DBF4: variants seen among roughly 807,000 people sequenced by gnomAD.
DBF4 encodes the protein DBF4-CDC7 kinase regulatory subunit, also known as protein DBF4 homolog A.
Under a neutral mutation model 76.6 loss-of-function variants are expected in DBF4, and 25 were observed. The observed-to-expected ratio is 0.33, with a 90% CI of 0.24 to 0.46. DBF4 has a LOEUF of 0.46. DBF4 is among the 20% of genes least tolerant of loss of function. The probability of loss-of-function intolerance (pLI) is 1.00; values close to 1 mark genes in which losing one functional copy is unlikely to be tolerated. For synonymous variants in DBF4, 213 were observed against 258.0 expected (o/e 0.83, Z 1.67); for missense variants, 638 against 760.8 (o/e 0.84, Z 1.90).
At chr7:87,906,920 A>G (rs1270301884) in intron 11 of DBF4, among the ~76,000 whole-genome samples, 1 of 152,092 alleles carries the variant, frequency 6.6e-6, no homozygotes, top group Non-Finnish European at 1.5e-5. Context: ...AATTCAGGAT[A>G]TTGGTTATCT....
At chr7:87,893,270 G>A (rs1215641672) in intron 6 of DBF4, among the ~76,000 whole-genome samples, 17 of 133,104 alleles carry the variant, frequency 1.3e-4, no homozygotes, top group South Asian at 2.3e-4. Flanking sequence ...ACGGAGTCTC[G>A]CTCTGTCGCC....
rs1249042760 is a variant in DBF4 at position 87,907,523 on chromosome 7, T to C, written c.1385T>C (p.Leu462Pro). ...CATAAAAACAAACAGGAATGCATTC[T>C]TGACATTTCCGAACACACATTAAGT... ...PLHKNKQECI[L>P]DISEHTLSEN... is the part of the protein sequence containing the mutation. The change falls in exon 12 of 12, where the codon CTT becomes CCT. Residue 462 changes from leucine (L) to proline (P), a missense_variant. Transcript: ENST00000265728. The C allele has an allele frequency of 6.2e-7, 1 of 1,614,074 alleles. No homozygotes were observed. The highest frequency in any genetic ancestry group is 1.7e-5 in the Admixed American group (1 of 60,022).
chr7:87,897,247 A>AAG, intron 7 of DBF4, 47 bp from the exon 8 acceptor site: 1 of 1,547,688 alleles, frequency 6.5e-7, no homozygotes. Context: ...AAAAAAAAAA[A>AAG]GAATCCTGAA....
At chr7:87,895,237 GT>G (rs1389537398) in intron 6 of DBF4, among the ~76,000 whole-genome samples, 9 of 152,088 alleles carry the variant, frequency 5.9e-5, no homozygotes, top group African/African-American at 2.2e-4. Context: ...CTTATTTGTA[GT>G]TTTTCTGCTG....
At chr7:87,897,564 T>C (rs1450949561) in intron 8 of DBF4, among the ~76,000 whole-genome samples, 1 of 152,224 alleles carries the variant, frequency 6.6e-6, no homozygotes, top group Non-Finnish European at 1.5e-5. Context: ...ATAGCTGGTT[T>C]AGAAAAATCA....
rs1212488242 is a variant in DBF4, at chr7:87,904,296, T to A, written c.929T>A (p.Leu310His). 1 of 1,603,954 alleles carries A rather than the reference T, an allele frequency of 6.2e-7. No individual in the cohort carries two copies. Among genetic ancestry groups the A allele is most frequent in the Admixed American group, 1.8e-5 (1 of 56,706 alleles). ...ATGTTTTTAATTTTGTTTTAGCACC[T>A]TCTAAGTGAGCAACACAGAAACTTT... ...LQKYEDLETH[L>H]LSEQHRNFAQ... The change falls in exon 11 of 12, where the codon CTT becomes CAT. Residue 310 changes from leucine to histidine, a missense_variant. Leu to His is a moderately conservative substitution (Grantham distance 99). Coordinates refer to ENST00000265728, the MANE Select transcript of DBF4 (RefSeq NM_006716.4).
Position 87,908,238 on chromosome 7 carries a change from T to C in DBF4, c.*75T>C. On this transcript the variant is annotated 3_prime_UTR_variant, in exon 12 of 12. Transcript: ENST00000265728. ...AATTTTTATAAATATGTATGGAAAT[T>C]CTTAGGATTTTTTTACCAGCTTTGT... The C allele has an allele frequency of 1.5e-6, 2 of 1,337,280 alleles. No homozygotes were observed. Among genetic ancestry groups the C allele is most frequent in the Non-Finnish European group, 1.9e-6 (2 of 1,027,656 alleles). 82.8% of individuals were successfully genotyped at this position (1,337,280 alleles called of 1,614,324 possible).
At chr7:87,888,199 C>G in intron 6 of DBF4, 140 bp downstream of exon 6, 1 of 1,258,604 alleles carries the variant, frequency 7.9e-7, no homozygotes, top group Non-Finnish European at 1.0e-6. Flanking sequence ...TCAAATAAAT[C>G]GAGTGTCATT....
intron 8 of DBF4, among the ~76,000 whole-genome samples, chr7:87,899,847 G>T (rs1236934169): frequency 6.6e-6 from 1 of 152,150 alleles, no homozygotes; most frequent in Non-Finnish European, 1.5e-5. Context: ...GGTTGTCAGG[G>T]GATATGGAGA....
chr7:87,907,172 T>G lies in DBF4; in HGVS notation c.1050-16T>G, dbSNP rs760176510. 5 of 1,523,342 alleles carry G rather than the reference T, an allele frequency of 3.3e-6. No homozygotes were observed. The highest frequency in any genetic ancestry group is 4.4e-6 in the Non-Finnish European group (5 of 1,139,768). The allele number at this position is 1,523,342 out of a possible 1,614,324, so 94.4% of individuals were successfully genotyped here. ...AGCAATTATTTTAATATTTTTCTTC[T>G]ATTTTTCCTACAAAGAATAAAATAC... On this transcript the variant is annotated splice_polypyrimidine_tract_variant and intron_variant, in intron 11 of 11. Coordinates refer to ENST00000265728, the MANE Select transcript of DBF4 (RefSeq NM_006716.4).
chr7:87,876,873 A>T, intron 1 of DBF4, 95 bp downstream of exon 1: 1 of 1,398,502 alleles, frequency 7.2e-7, no homozygotes, highest in Non-Finnish European at 1.0e-6. Context: ...CCGGGTCCTC[A>T]GCTTCTTTTC....
At chr7:87,898,808 A>G (rs921277439) in intron 8 of DBF4, among the ~76,000 whole-genome samples, 1 of 151,394 alleles carries the variant, frequency 6.6e-6, no homozygotes, top group Non-Finnish European at 1.5e-5. Context: ...AAAAAAAAAA[A>G]GAACAACAAA....
rs557678653 is a variant in DBF4 at position 87,883,355 on chromosome 7, A to G, written c.220-1624A>G. Among the ~76,000 whole-genome samples, 13 of 152,286 alleles carry G rather than the reference A, an allele frequency of 8.5e-5. No individual in the cohort carries two copies. In the South Asian group the frequency reaches 2.3e-3, roughly 27 times the overall value. On this transcript the variant is annotated intron_variant, in intron 2 of 11. Coordinates refer to ENST00000265728, the MANE Select transcript of DBF4 (RefSeq NM_006716.4). ...AAGTTATAGAAATGTTTTAGTAGTG[A>G]TGGTTGCATAATGTGAGTGTACTTA...
chr7:87,883,975 G>A (rs1440039515), intron 2 of DBF4, among the ~76,000 whole-genome samples: 2 of 151,858 alleles, frequency 1.3e-5, no homozygotes, highest in Non-Finnish European at 2.9e-5. Flanking sequence ...TGACCCTGGC[G>A]ATCTTTAATA....
rs563232992 is a variant in DBF4 at position 87,908,411 on chromosome 7, A to G, written c.*248A>G. On this transcript the variant is annotated 3_prime_UTR_variant, in exon 12 of 12. Transcript: ENST00000265728. ...TCGTAATTGTTTCCTGAGAATTACA[A>G]TGAATAATAATTTGCTTTGTCACTG... 3.7e-5 allele frequency: 10 copies of G among 268,578 alleles called. No homozygotes were observed. In the South Asian group the frequency reaches 9.3e-4, roughly 25 times the overall value. The allele number at this position is 268,578 out of a possible 1,614,324, so 16.6% of individuals were successfully genotyped here. A position where few individuals can be genotyped will look rare whatever the true frequency, so the allele number is the denominator to read the frequency against.
At chr7:87,889,431 C>T (rs1839434829) in intron 6 of DBF4, among the ~76,000 whole-genome samples, 1 of 151,950 alleles carries the variant, frequency 6.6e-6, no homozygotes, top group Non-Finnish European at 1.5e-5. Context: ...AGGCATGAGC[C>T]ACCGTACCTG....
intron 11 of DBF4, among the ~76,000 whole-genome samples, chr7:87,905,456 A>G (rs1562767742): frequency 6.6e-6 from 1 of 152,162 alleles, no homozygotes. Context: ...AGGTCTTTAT[A>G]TTTCACTAAA....
At chr7:87,888,313 T>C (rs1839411580) in intron 6 of DBF4, 2 of 985,042 alleles carry the variant, frequency 2.0e-6, no homozygotes, top group South Asian at 4.7e-5. Context: ...ACAGGTACTT[T>C]TATTTATTCT....
At chr7:87,879,505 G>A (rs1839158293) in intron 2 of DBF4, among the ~76,000 whole-genome samples, 1 of 152,062 alleles carries the variant, frequency 6.6e-6, no homozygotes, top group East Asian at 1.9e-4. Context: ...AATGTGTTAA[G>A]GACCTTAGAC....
Sources: gnomAD v4.1 joint callset for allele counts (sites outside exome capture counted in the v4.1 genomes callset) on GRCh38, gnomAD v4.1.1 for gene constraint, MANE v1.5 for transcripts, NCBI Gene and HGNC (gene_info 2026-07-23, HGNC 2026-07-21) for gene names.